IKZF4: variants seen among roughly 807,000 people sequenced by gnomAD.
The protein encoded by IKZF4 is IKAROS family zinc finger 4.
A neutral mutation model predicts 47.7 loss-of-function variants in IKZF4; 11 were observed. The ratio of observed to expected loss-of-function variants is 0.23; its 90% CI spans 0.15 to 0.38. IKZF4 has a LOEUF of 0.38. IKZF4 is among the 10% of genes least tolerant of loss of function. The probability of loss-of-function intolerance (pLI) is 1.00; values close to 1 mark genes in which losing one functional copy is unlikely to be tolerated. For missense variants in IKZF4, 557 were observed against 784.9 expected, an observed-to-expected ratio of 0.71 and a Z score of 3.47; for synonymous variants, 298 against 299.4, an observed-to-expected ratio of 1.00 and a Z score of 0.05.
upstream of IKZF4, among the ~76,000 whole-genome samples, chr12:56,019,010 G>A (rs145471933): frequency 2.8e-3 from 425 of 152,228 alleles, 10 homozygotes; most frequent in East Asian, 0.054. Flanking sequence ...GAAGTCAAGA[G>A]ATCAGGACCA....
intron 1 of IKZF4, among the ~76,000 whole-genome samples, chr12:56,022,786 C>T (rs893031003): frequency 6.6e-5 from 10 of 151,416 alleles, no homozygotes; most frequent in Non-Finnish European, 1.2e-4. Flanking sequence ...GATGCTTTTC[C>T]CTCAGTGTTT....
intron 2 of IKZF4, among the ~76,000 whole-genome samples, chr12:56,015,847 T>C (rs1318165095): frequency 6.6e-6 from 1 of 152,206 alleles, no homozygotes; most frequent in African/African-American, 2.4e-5. Context: ...CTGAGTTCTC[T>C]AACAACTGTG....
intron 5 of IKZF4, 49 bp from the exon 6 acceptor site, chr12:56,032,512 G>A (rs765747463): frequency 6.4e-7 from 1 of 1,554,008 alleles, no homozygotes; most frequent in Non-Finnish European, 8.7e-7. Context: ...GCAGAGCCAG[G>A]GCACAGCGAG....
intron 2 of IKZF4, among the ~76,000 whole-genome samples, chr12:56,013,628 C>T (rs1891615135): frequency 6.6e-6 from 1 of 152,144 alleles, no homozygotes; most frequent in Non-Finnish European, 1.5e-5. Flanking sequence ...CTAATTTGAC[C>T]CAGTTCCTCT....
At position 56,033,253 on chromosome 12, in the gene IKZF4, C is replaced by G. The variant is rs751255084; in HGVS notation, c.929C>G (p.Pro310Arg). The G allele has an allele frequency of 6.2e-7, 1 of 1,614,016 alleles. No individual in the cohort carries two copies. The highest frequency in any genetic ancestry group is 1.1e-5 in the South Asian group (1 of 91,084). Residue 310 changes from proline (P) to arginine (R), a missense_variant, in exon 7 of 8, where the codon CCA becomes CGA. Physicochemically the swap from Pro to Arg is moderately radical, Grantham distance 103 (BLOSUM62 -2). This residue lies in a region of IKZF4 where 280 missense variants were observed against 314.0 expected (regional missense o/e 0.89). Transcript: ENST00000547167. Reference sequence around the variant, plus strand: ...ATGCTGCACTCATCCTCTGAGCGGCCAACTTTCATCGATCGTCTGGCCAAT... The same window carrying G: ...ATGCTGCACTCATCCTCTGAGCGGCGAACTTTCATCGATCGTCTGGCCAAT... Reference protein sequence around the residue: ...DSMLHSSSERPTFIDRLANSL... With the variant: ...DSMLHSSSERRTFIDRLANSL...
At position 56,036,514 on chromosome 12, in the gene IKZF4, G is replaced by C. The variant is rs1298782354; in HGVS notation, c.*1183G>C. On this transcript the variant is annotated 3_prime_UTR_variant, in exon 8 of 8. Coordinates refer to ENST00000547167, the MANE Select transcript of IKZF4 (RefSeq NM_022465.4). ...CCCGGGCTCCTGGGCCCTGTTCTTA[G>C]GATCAGTGGCAGGGAGAAACGGGTA... is the stretch of plus-strand genomic sequence containing the variant. 1 of 152,186 alleles carries C rather than the reference G, an allele frequency of 6.6e-6. No homozygotes were observed. The highest frequency in any genetic ancestry group is 1.5e-5 in the Non-Finnish European group (1 of 68,048). The allele number at this position is 152,186 out of a possible 1,614,324, so 9.4% of individuals were successfully genotyped here.
intron 1 of IKZF4, among the ~76,000 whole-genome samples, chr12:56,008,140 G>T (rs1890925210): frequency 6.6e-6 from 1 of 152,188 alleles, no homozygotes; most frequent in Admixed American, 6.5e-5. Context: ...TTGGGTCGAG[G>T]AATGCTGAAG....
At chr12:56,023,809 T>A (rs1360695112) in intron 2 of IKZF4, 45 bp downstream of exon 2, 2 of 1,597,638 alleles carry the variant, frequency 1.3e-6, no homozygotes, top group South Asian at 1.1e-5. Context: ...TACTAATAGG[T>A]GGACTTCAGG....
intron 2 of IKZF4, chr12:56,024,097 T>C (rs951317249): frequency 8.5e-6 from 2 of 235,244 alleles, no homozygotes; most frequent in Non-Finnish European, 1.4e-5. Flanking sequence ...AAGACATTCA[T>C]ATCTTCCTTT....
intron 5 of IKZF4, 23 bp from the exon 6 acceptor site, chr12:56,032,538 C>T: frequency 1.9e-6 from 3 of 1,597,300 alleles, no homozygotes; most frequent in African/African-American, 1.3e-5. Context: ...GCTCTGATGC[C>T]ATCTTTCCAC....
chr12:56,019,844 A>G (rs1377343334), upstream of IKZF4, among the ~76,000 whole-genome samples: 1 of 152,244 alleles, frequency 6.6e-6, no homozygotes. Flanking sequence ...GCAGATTGGC[A>G]TGTCCTAGAT....
At chr12:56,013,909 G>A (rs1260983800) in intron 2 of IKZF4, among the ~76,000 whole-genome samples, 1 of 152,174 alleles carries the variant, frequency 6.6e-6, no homozygotes, top group Non-Finnish European at 1.5e-5. Context: ...CCAACACTTT[G>A]GGAGGCCGAG....
chr12:56,021,147 C>CCCCCCCCCT lies in IKZF4; in HGVS notation c.-346_-345insCCCCCCCTC. The CCCCCCCCCT allele has an allele frequency of 7.2e-7, 1 of 1,387,750 alleles. No homozygotes were observed. Among genetic ancestry groups the CCCCCCCCCT allele is most frequent in the Non-Finnish European group, 9.3e-7 (1 of 1,070,672 alleles). 86.0% of individuals were successfully genotyped at this position (1,387,750 alleles called of 1,614,324 possible). A position where few individuals can be genotyped will look rare whatever the true frequency, so the allele number is the denominator to read the frequency against. ...CCCTCCCTGTGCACACACCCACCACCCACCCCCTTCACTGTCTTGGAAAAG... is the reference window on the plus strand; with the variant it reads ...CCCTCCCTGTGCACACACCCACCACCCCCCCCCCTCACCCCCTTCACTGTCTTGGAAAAG... On this transcript the variant is annotated 5_prime_UTR_variant, in exon 1 of 8. Transcript: ENST00000547167.
chr12:56,021,641 C>T (rs1893000589), intron 1 of IKZF4, 61 bp downstream of exon 1: 1 of 1,549,076 alleles, frequency 6.5e-7, no homozygotes, highest in Admixed American at 2.0e-5. Flanking sequence ...GCTAGGGAGC[C>T]AATTCAGTAA....
chr12:56,015,322 G>A (rs551526887), intron 2 of IKZF4, among the ~76,000 whole-genome samples: 1 of 151,736 alleles, frequency 6.6e-6, no homozygotes, highest in South Asian at 2.1e-4. Context: ...TGATCCGCCC[G>A]CCTCCGCCTC....
Position 56,036,390 on chromosome 12 carries a change from A to T in IKZF4, c.*1059A>T, listed in dbSNP as rs1394444551. On this transcript the variant is annotated 3_prime_UTR_variant, in exon 8 of 8. Transcript: ENST00000547167. ...GGGCTCCTTCAGTCCCCATCCTATG[A>T]GAAACTAGTGGGTTGCTGCCTGATG... The T allele has an allele frequency of 6.6e-6, 1 of 152,336 alleles. No individual in the cohort carries two copies. Among genetic ancestry groups the T allele is most frequent in the Non-Finnish European group, 1.5e-5 (1 of 68,048 alleles). 9.4% of individuals were successfully genotyped at this position (152,336 alleles called of 1,614,324 possible).
chr12:56,012,010 C>T (rs1291334748), intron 2 of IKZF4, among the ~76,000 whole-genome samples: 2 of 152,104 alleles, frequency 1.3e-5, no homozygotes, highest in African/African-American at 2.4e-5. Context: ...TGTGGGTTTG[C>T]TCTACTTGTA....
At chr12:56,033,482 C>CAGATCAAGAGGTCAGA (rs1350651779) in intron 7 of IKZF4, among the ~76,000 whole-genome samples, 161 bp downstream of exon 7, 2 of 152,056 alleles carry the variant, frequency 1.3e-5, no homozygotes, top group Non-Finnish European at 2.9e-5. Flanking sequence ...CCAAGGTGGG[C>CAGATCAAGAGGTCAGA]AGATCAAGAG....
In IKZF4 at chr12:56,035,378, C is replaced by T. The variant is rs764230671; in HGVS notation, c.*47C>T. On this transcript the variant is annotated 3_prime_UTR_variant, in exon 8 of 8. Coordinates refer to ENST00000547167, the MANE Select transcript of IKZF4 (RefSeq NM_022465.4). This position sits in a 1 kb window ranked among gnomAD's most constrained non-coding sequence, Gnocchi z 6.1. ...GTCCACCACTCCACTGCCCTGACTA[C>T]AGGCATTGATCCCTGTCCCCACCAT... 9 of 1,560,208 alleles carry T rather than the reference C, an allele frequency of 5.8e-6. No homozygotes were observed. The highest frequency in any genetic ancestry group is 2.4e-5 in the South Asian group (2 of 81,944).
Sources: gnomAD v4.1 joint callset for allele counts (sites outside exome capture counted in the v4.1 genomes callset) on GRCh38, gnomAD v4.1.1 for gene constraint, gnomAD v4.1.1 regional missense constraint, Gnocchi (gnomAD v3.1) non-coding constraint, MANE v1.5 for transcripts, NCBI Gene and HGNC (gene_info 2026-07-23, HGNC 2026-07-21) for gene names.